CLASP2: variants seen among roughly 807,000 people sequenced by gnomAD.
CLASP2 encodes CLIP-associating protein 2.
CLASP2 carries 47 observed loss-of-function variants against 194.4 expected under a neutral mutation model. The ratio of observed to expected loss-of-function variants is 0.24; its 90% CI spans 0.19 to 0.31. The LOEUF is 0.31. Ranked by LOEUF, CLASP2 falls within the 10% of genes least tolerant of loss-of-function variation. CLASP2 has a pLI of 1.00. For synonymous variants in CLASP2, 619 were observed against 633.5 expected (o/e 0.98, Z 0.34); for missense variants, 1,445 against 1,823.6 (o/e 0.79, Z 3.78).
In CLASP2 at chr3:33,576,374, A is replaced by T. The variant is rs575503775; in HGVS notation, c.2348-99T>A. 5.0e-5 allele frequency: 40 copies of T among 799,274 alleles called. No individual in the cohort carries two copies. In the South Asian group the frequency reaches 6.7e-4, roughly 13 times the overall value. 49.5% of individuals were successfully genotyped at this position (799,274 alleles called of 1,614,324 possible). A position where few individuals can be genotyped will look rare whatever the true frequency, so the allele number is the denominator to read the frequency against. Reference sequence around the variant, plus strand: ...GACCTTTACAGGGGAAGGAAAAAAAACCAATGGGGCAAAGCATTTTAAAAG... The same window carrying T: ...GACCTTTACAGGGGAAGGAAAAAAATCCAATGGGGCAAAGCATTTTAAAAG... On this transcript the variant is annotated intron_variant, in intron 23 of 38. Coordinates refer to ENST00000682230, the MANE Select transcript of CLASP2 (RefSeq NM_001365631.1).
chr3:33,690,874 C>T (rs1470380905), intron 2 of CLASP2, among the ~76,000 whole-genome samples: 1 of 152,124 alleles, frequency 6.6e-6, no homozygotes, highest in Non-Finnish European at 1.5e-5. Context: ...GCAGCAGTCC[C>T]CAGTCTTCTT....
chr3:33,558,999 A>G (rs776285211), intron 29 of CLASP2: 11 of 400,776 alleles, frequency 2.7e-5, no homozygotes, highest in East Asian at 1.1e-4. Context: ...TTGCATTTAA[A>G]TAACATTTGA....
chr3:33,604,201 A>C lies in CLASP2; in HGVS notation c.1703T>G (p.Phe568Cys). 6.4e-7 allele frequency: 1 copy of C among 1,558,912 alleles called. No homozygotes were observed. Among genetic ancestry groups the C allele is most frequent in the East Asian group, 2.4e-5 (1 of 42,142 alleles). Residue 568 changes from phenylalanine (F) to cysteine (C), a missense_variant, in exon 17 of 39, where the codon TTT becomes TGT. Around this residue, in one of 4 missense-constraint regions of CLASP2, gnomAD observed 174 missense variants for 179.0 expected, o/e 0.97. Coordinates refer to ENST00000682230, the MANE Select transcript of CLASP2 (RefSeq NM_001365631.1). ...SSSQESLNRP[F>C]SSKWSTANPS... ...ATTTGCTGTAGACCATTTGGAAGAA[A>C]AAGGGCGACTGCAAAGTATAAAAAA...
chr3:33,577,973 G>C (rs1485782015), intron 23 of CLASP2, among the ~76,000 whole-genome samples: 1 of 152,058 alleles, frequency 6.6e-6, no homozygotes, highest in African/African-American at 2.4e-5. Flanking sequence ...TCATTTAAAA[G>C]TACATAATCT....
chr3:33,699,523 TGA>T (rs1274967581), intron 1 of CLASP2, among the ~76,000 whole-genome samples: 1 of 152,050 alleles, frequency 6.6e-6, no homozygotes, highest in Non-Finnish European at 1.5e-5. Flanking sequence ...CCAAAAAGTA[TGA>T]GAGTAAGGAG....
chr3:33,692,427 C>T (rs2091453631), intron 2 of CLASP2, among the ~76,000 whole-genome samples: 3 of 152,052 alleles, frequency 2.0e-5, no homozygotes, highest in Non-Finnish European at 4.4e-5. Flanking sequence ...TAAACAAAAA[C>T]AAAAAACTTC....
chr3:33,558,540 GGAGCTATT>G, intron 29 of CLASP2: 1 of 151,208 alleles, frequency 6.6e-6, no homozygotes, highest in South Asian at 2.1e-4. Context: ...AAAGAATTCA[GGAGCTATT>G]CTTTTACATT....
At chr3:33,615,253 G>T (rs993040303) in intron 12 of CLASP2, among the ~76,000 whole-genome samples, 12 of 151,368 alleles carry the variant, frequency 7.9e-5, no homozygotes, top group African/African-American at 2.9e-4. Context: ...AAATATCTTT[G>T]TTAAATTTAA....
intron 6 of CLASP2, among the ~76,000 whole-genome samples, chr3:33,680,044 T>C (rs890364646): frequency 6.6e-6 from 1 of 151,956 alleles, no homozygotes; most frequent in African/African-American, 2.4e-5. Flanking sequence ...TTTTCAACCC[T>C]AAAAAGAAAT....
In CLASP2 at chr3:33,606,727, C is replaced by A. The variant is rs766638013; in HGVS notation, c.1558G>T (p.Gly520Cys). 1.2e-6 allele frequency: 2 copies of A among 1,612,498 alleles called. No individual in the cohort carries two copies. The highest frequency in any genetic ancestry group is 1.7e-6 in the Non-Finnish European group (2 of 1,179,218). ...TYMGLRNHFPGEAETLYNSLE... is the reference protein window; with the variant it reads ...TYMGLRNHFPCEAETLYNSLE... Reference sequence around the variant, plus strand: ...GAATTATATAATGTTTCAGCTTCACCAGGAAAGTGGTTTCTAAGACCCATG... The same window carrying A: ...GAATTATATAATGTTTCAGCTTCACAAGGAAAGTGGTTTCTAAGACCCATG... Residue 520 changes from glycine (G) to cysteine (C), a missense_variant, in exon 16 of 39, where the codon GGT (glycine) becomes TGT (cysteine). By Grantham distance (159) the Gly-to-Cys change is radical (BLOSUM62 -3). Transcript: ENST00000682230.
At chr3:33,529,647 A>T in intron 34 of CLASP2, among the ~76,000 whole-genome samples, 1 of 152,208 alleles carries the variant, frequency 6.6e-6, no homozygotes, top group Non-Finnish European at 1.5e-5. Context: ...CACAGGGTCA[A>T]GATCAACTTC....
At chr3:33,528,095 T>C (rs1382941639) in intron 34 of CLASP2, among the ~76,000 whole-genome samples, 1 of 152,136 alleles carries the variant, frequency 6.6e-6, no homozygotes, top group East Asian at 1.9e-4. Flanking sequence ...TAATCCACCA[T>C]GGTCATGTAG....
At chr3:33,613,249 G>A (rs947794854) in intron 12 of CLASP2, among the ~76,000 whole-genome samples, 2 of 152,194 alleles carry the variant, frequency 1.3e-5, no homozygotes, top group Non-Finnish European at 2.9e-5. Context: ...ATTGAACTGT[G>A]ATACAGCCCA....
chr3:33,585,282 C>A (rs778969542), intron 21 of CLASP2, among the ~76,000 whole-genome samples: 1 of 152,274 alleles, frequency 6.6e-6, no homozygotes, highest in East Asian at 1.9e-4. Flanking sequence ...TCATGTTCTA[C>A]GTGAATAAGC....
intron 18 of CLASP2, chr3:33,602,723 T>C (rs2072612360): frequency 1.5e-6 from 1 of 681,148 alleles, no homozygotes; most frequent in Admixed American, 2.2e-5. Context: ...CAGGCAATCA[T>C]GGATTCAAGA....
At position 33,559,389 on chromosome 3, in the gene CLASP2, A is replaced by C; in HGVS notation, c.2931-4T>G. ...AAGATCATTTGGAAAAGACTCTCTG[A>C]AACAAGAACAAAGCAAAACGAAACA... On this transcript the variant is annotated splice_region_variant and splice_polypyrimidine_tract_variant and intron_variant, in intron 28 of 38. Transcript: ENST00000682230. 1.9e-6 allele frequency: 3 copies of C among 1,567,118 alleles called. No homozygotes were observed. Among genetic ancestry groups the C allele is most frequent in the Non-Finnish European group, 2.6e-6 (3 of 1,150,166 alleles).
At chr3:33,685,158 C>T (rs1337380211) in intron 5 of CLASP2, among the ~76,000 whole-genome samples, 2 of 151,042 alleles carry the variant, frequency 1.3e-5, no homozygotes, top group African/African-American at 4.9e-5. Flanking sequence ...CTGGCTACCA[C>T]GGTGAAACCC....
chr3:33,581,549 A>C (rs929601090), intron 23 of CLASP2, among the ~76,000 whole-genome samples: 1 of 152,254 alleles, frequency 6.6e-6, no homozygotes, highest in Non-Finnish European at 1.5e-5. Context: ...AGAAAGATCT[A>C]GACTTCAATA....
At chr3:33,634,082 A>C (rs2079630584) in intron 8 of CLASP2, among the ~76,000 whole-genome samples, 1 of 152,212 alleles carries the variant, frequency 6.6e-6, no homozygotes, top group Non-Finnish European at 1.5e-5. Flanking sequence ...CCAAAGACAG[A>C]GACAGTAATC....
Sources: gnomAD v4.1 joint callset for allele counts (sites outside exome capture counted in the v4.1 genomes callset) on GRCh38, gnomAD v4.1.1 for gene constraint, gnomAD v4.1.1 regional missense constraint, MANE v1.5 for transcripts, NCBI Gene and HGNC (gene_info 2026-07-23, HGNC 2026-07-21) for gene names.